APC: variants seen among roughly 807,000 people sequenced by gnomAD.
The protein encoded by APC is APC regulator of Wnt signaling pathway.
APC carries 72 observed loss-of-function variants against 247.0 expected under a neutral mutation model. That is an observed-to-expected ratio of 0.29 (90% CI 0.24 to 0.35). The LOEUF (loss-of-function observed/expected upper bound fraction) is 0.35, where lower values mean the gene tolerates loss of function less well. APC is among the 10% of genes least tolerant of loss of function. APC has a pLI of 1.00. For missense variants in APC, 3,400 were observed against 3,360.7 expected, an observed-to-expected ratio of 1.01 and a Z score of -0.29; for synonymous variants, 1,254 against 1,162.5, an observed-to-expected ratio of 1.08 and a Z score of -1.60.
At chr5:112,788,576 A>G (rs1360157082) in intron 6 of APC, among the ~76,000 whole-genome samples, 1 of 152,200 alleles carries the variant, frequency 6.6e-6, no homozygotes, top group African/African-American at 2.4e-5. Flanking sequence ...AACCTGGCAC[A>G]TAGTAAGCAA....
intron 1 of APC, among the ~76,000 whole-genome samples, chr5:112,710,889 A>G (rs1425311027): frequency 6.6e-6 from 1 of 152,264 alleles, no homozygotes; most frequent in Non-Finnish European, 1.5e-5. Flanking sequence ...TTAAATGTCC[A>G]TCCAAGTGTT....
At chr5:112,792,596 G>C in intron 7 of APC, 67 bp downstream of exon 7, 1 of 1,173,850 alleles carries the variant, frequency 8.5e-7, no homozygotes, top group Non-Finnish European at 1.3e-6. Flanking sequence ...AAGAAAACAT[G>C]TATAATTTAA....
intron 1 of APC, among the ~76,000 whole-genome samples, chr5:112,727,466 T>A (rs1281206543): frequency 1.3e-5 from 2 of 152,194 alleles, no homozygotes; most frequent in Non-Finnish European, 2.9e-5. Flanking sequence ...GGCTTTGGTT[T>A]CAAGTTCTAA....
intron 15 of APC, 141 bp from the exon 16 acceptor site, chr5:112,837,412 A>AAAGG: frequency 1.5e-5 from 10 of 652,936 alleles, no homozygotes; most frequent in Non-Finnish European, 2.6e-5. Flanking sequence ...ATGAAATTAG[A>AAAGG]ACAAAAGGAG....
At chr5:112,721,196 T>C (rs1259892107) in intron 1 of APC, among the ~76,000 whole-genome samples, 4 of 151,994 alleles carry the variant, frequency 2.6e-5, no homozygotes, top group Non-Finnish European at 5.9e-5. Flanking sequence ...GGTGGATCAC[T>C]TGAGGTCAGG....
chr5:112,843,802 T>G lies in APC; in HGVS notation c.8208T>G (p.Thr2736=), dbSNP rs786201421. The change falls in exon 16 of 16, where the codon ACT becomes ACG. Residue 2736 remains threonine (T), a synonymous_variant. Coordinates refer to ENST00000257430, the MANE Select transcript of APC (RefSeq NM_000038.6). This position sits in a 1 kb window ranked among gnomAD's most constrained non-coding sequence, Gnocchi z 4.8. ...TGGATGCCCCTGACCAAAAAGGAAC[T>G]GAGATAAAACCAGGACAAAATAATC... ...IQVDAPDQKG[T]EIKPGQNNPV... 4.3e-6 allele frequency: 7 copies of G among 1,614,030 alleles called. No homozygotes were observed. Among genetic ancestry groups the G allele is most frequent in the Non-Finnish European group, 5.9e-6 (7 of 1,179,932 alleles).
At chr5:112,710,662 C>G (rs1291980355) in intron 1 of APC, among the ~76,000 whole-genome samples, 1 of 152,196 alleles carries the variant, frequency 6.6e-6, no homozygotes, top group Non-Finnish European at 1.5e-5. Context: ...CTATTCTTTT[C>G]TTTAAAGACT....
intron 8 of APC, among the ~76,000 whole-genome samples, chr5:112,809,360 A>C (rs920823320): frequency 3.3e-5 from 5 of 152,152 alleles, no homozygotes; most frequent in African/African-American, 1.2e-4. Flanking sequence ...AAAAAATAAA[A>C]TAAACACACA....
At chr5:112,835,510 C>T (rs997111444) in intron 15 of APC, among the ~76,000 whole-genome samples, 2 of 151,194 alleles carry the variant, frequency 1.3e-5, no homozygotes, top group Admixed American at 6.6e-5. Context: ...AAACTATGAG[C>T]GTGATCCAGA....
chr5:112,741,629 A>G (rs1210874212), intron 1 of APC, among the ~76,000 whole-genome samples: 1 of 152,214 alleles, frequency 6.6e-6, no homozygotes, highest in East Asian at 1.9e-4. Flanking sequence ...AAATATACAT[A>G]AAATTTACCA....
At chr5:112,751,183 G>A (rs1180164589) in intron 1 of APC, among the ~76,000 whole-genome samples, 1 of 151,960 alleles carries the variant, frequency 6.6e-6, no homozygotes, top group East Asian at 1.9e-4. Flanking sequence ...TTCCCCAGAT[G>A]ATTAACATCT....
intron 4 of APC, among the ~76,000 whole-genome samples, chr5:112,769,927 A>G (rs575184438): frequency 6.6e-6 from 1 of 152,292 alleles, no homozygotes; most frequent in African/African-American, 2.4e-5. Flanking sequence ...ATCCTAGACT[A>G]TTGAAACACC....
At chr5:112,728,154 GTCTC>G (rs1211474162) in intron 1 of APC, among the ~76,000 whole-genome samples, 1 of 151,794 alleles carries the variant, frequency 6.6e-6, no homozygotes, top group Non-Finnish European at 1.5e-5. Context: ...TTGAGACAGA[GTCTC>G]TCTCTGTTGC....
intron 5 of APC, among the ~76,000 whole-genome samples, chr5:112,777,014 C>G (rs1757734937): frequency 1.3e-5 from 2 of 152,110 alleles, no homozygotes; most frequent in African/African-American, 2.4e-5. Flanking sequence ...ATTTTGCAAA[C>G]CATTGCATTT....
Position 112,838,843 on chromosome 5 carries a change from T to G in APC, c.3249T>G (p.Asp1083Glu), listed in dbSNP as rs201629780. 396 of 1,614,166 alleles carry G rather than the reference T, an allele frequency of 2.5e-4. No individual in the cohort carries two copies. Among genetic ancestry groups the G allele is most frequent in the Non-Finnish European group, 2.8e-4 (329 of 1,180,034 alleles). Reference protein sequence around the residue: ...TTYPVYTESTDDKHLKFQPHF... With the variant: ...TTYPVYTESTEDKHLKFQPHF... ...ATCCTGTTTATACTGAGAGCACTGA[T>G]GATAAACACCTCAAGTTCCAACCAC... The change falls in exon 16 of 16, where the codon GAT (aspartate) becomes GAG (glutamate). Residue 1083 changes from aspartate (D) to glutamate (E), a missense_variant. By Grantham distance (45) the Asp-to-Glu change is conservative (BLOSUM62 2). Coordinates refer to ENST00000257430, the MANE Select transcript of APC (RefSeq NM_000038.6).
chr5:112,708,956 A>C lies in APC; in HGVS notation c.165+1074A>C, dbSNP rs869312475. The stretch of plus-strand genomic sequence containing the variant: ...AGTCTAAGTGCAAAATGTGGGATCA[A>C]AGCGGTAGTGGAGGAAGTTGCCATG... On this transcript the variant is annotated intron_variant, in intron 1 of 13. Coordinates refer to the APC transcript ENST00000507379. 4.6e-5 allele frequency among the ~76,000 whole-genome samples: 7 copies of C among 152,204 alleles called. No homozygotes were observed. Among genetic ancestry groups the C allele is most frequent in the Non-Finnish European group, 1.0e-4 (7 of 68,024 alleles).
intron 4 of APC, among the ~76,000 whole-genome samples, chr5:112,770,846 A>C (rs1443199030): frequency 6.6e-6 from 1 of 152,180 alleles, no homozygotes; most frequent in African/African-American, 2.4e-5. Flanking sequence ...ATTTGTATAC[A>C]TATACACATA....
intron 13 of APC, among the ~76,000 whole-genome samples, chr5:112,828,237 C>T (rs1580570979): frequency 6.6e-6 from 1 of 151,986 alleles, no homozygotes. Flanking sequence ...TTTCACCACA[C>T]CTGGGCTCAA....
At chr5:112,786,870 C>G (rs1254281186) in intron 6 of APC, among the ~76,000 whole-genome samples, 1 of 149,248 alleles carries the variant, frequency 6.7e-6, no homozygotes, top group Non-Finnish European at 1.5e-5. Context: ...CTACTCAACC[C>G]TGCCTTTTTC....
Sources: gnomAD v4.1 joint callset for allele counts (sites outside exome capture counted in the v4.1 genomes callset) on GRCh38, gnomAD v4.1.1 for gene constraint, Gnocchi (gnomAD v3.1) non-coding constraint, MANE v1.5 for transcripts, NCBI Gene and HGNC (gene_info 2026-07-23, HGNC 2026-07-21) for gene names.